THAP8: variants seen among roughly 807,000 people sequenced by gnomAD.
The protein encoded by THAP8 is THAP domain-containing protein 8.
Under a neutral mutation model 25.0 loss-of-function variants are expected in THAP8, and 24 were observed. That is an observed-to-expected ratio of 0.96 (90% CI 0.69 to 1.35). THAP8 has a LOEUF of 1.35. Ranked by LOEUF, THAP8 falls within the 40% of genes most tolerant of loss-of-function variation. The pLI, the probability that THAP8 is intolerant of heterozygous loss-of-function variation, is 0.00. For missense variants in THAP8, 399 were observed against 368.8 expected, an observed-to-expected ratio of 1.08 and a Z score of -0.67; for synonymous variants, 169 against 157.6, an observed-to-expected ratio of 1.07 and a Z score of -0.54.
At chr19:36,051,227 C>T (rs886948514) in intron 1 of THAP8, among the ~76,000 whole-genome samples, 9 of 152,166 alleles carry the variant, frequency 5.9e-5, no homozygotes, top group African/African-American at 2.2e-4. Context: ...AGGGCAGCAA[C>T]ATGCCTGCCA....
rs1599710317 is a variant in THAP8 at position 36,035,386 on chromosome 19, T to C, written c.*54A>G. 6.3e-6 allele frequency: 10 copies of C among 1,580,594 alleles called. No individual in the cohort carries two copies. In the East Asian group the frequency reaches 6.8e-5, roughly 11 times the overall value. On this transcript the variant is annotated 3_prime_UTR_variant, in exon 4 of 4. Transcript: ENST00000292894. ...GGCTGGGCCAAGCCCACGTATAATG[T>C]CTTTCCTCCTCCATCTTCTATCTTT...
chr19:36,035,649 C>G (rs1008683924), intron 3 of THAP8, 57 bp from the exon 4 acceptor site: 3 of 1,582,698 alleles, frequency 1.9e-6, no homozygotes, highest in African/African-American at 1.3e-5. Context: ...GCGGGAGAGA[C>G]AGACAGATAA....
intron 1 of THAP8, among the ~76,000 whole-genome samples, chr19:36,049,135 G>A (rs1969979473): frequency 6.6e-6 from 1 of 152,132 alleles, no homozygotes. Flanking sequence ...CTACTCAGGA[G>A]GCTGAGATGG....
chr19:36,051,119 C>CGT (rs1212847953), intron 1 of THAP8, among the ~76,000 whole-genome samples: 1 of 152,096 alleles, frequency 6.6e-6, no homozygotes, highest in African/African-American at 2.4e-5. Flanking sequence ...CAGAGAGAAT[C>CGT]GTGTGTGTGT....
chr19:36,054,372 G>T, upstream of THAP8: 2 of 859,418 alleles, frequency 2.3e-6, no homozygotes, highest in Non-Finnish European at 3.6e-6. Flanking sequence ...GAGAGCGCCT[G>T]CCTACTAGGC....
chr19:36,039,990 C>A lies in THAP8; in HGVS notation c.230G>T (p.Arg77Leu), dbSNP rs376379518. ...GAAGATGGAGGGCACTGCATCAGGC[C>A]GCAGGTAGCGCACACCCCAGCGCCA... Reference protein sequence around the residue: ...FQWRWGVRYLRPDAVPSIFSR... With the variant: ...FQWRWGVRYLLPDAVPSIFSR... Residue 77 changes from arginine (R) to leucine (L), a missense_variant, in exon 2 of 4, where the codon CGG becomes CTG. By Grantham distance (102) the Arg-to-Leu change is moderately radical. Transcript: ENST00000292894. The A allele has an allele frequency of 6.2e-7, 1 of 1,613,424 alleles. No individual in the cohort carries two copies. Among genetic ancestry groups the A allele is most frequent in the Non-Finnish European group, 8.5e-7 (1 of 1,179,954 alleles).
intron 1 of THAP8, among the ~76,000 whole-genome samples, chr19:36,043,717 G>A (rs911017902): frequency 2.0e-5 from 3 of 151,936 alleles, no homozygotes; most frequent in Admixed American, 6.6e-5. Flanking sequence ...GTGAAACCCC[G>A]TCTCTACGAA....
Position 36,046,429 on chromosome 19 carries a change from A to G in THAP8, c.84-6293T>C, listed in dbSNP as rs547290150. Among the ~76,000 whole-genome samples, 83 of 152,318 alleles carry G rather than the reference A, an allele frequency of 5.4e-4. 1 individual carries two copies. Among genetic ancestry groups the G allele is most frequent in the Admixed American group, 4.3e-3 (66 of 15,292 alleles). ...GGACACACAAGAAACTAAAGAGGCT[A>G]CCAGTGGGGAGGAGGTGGATGGGAT... On this transcript the variant is annotated intron_variant, in intron 1 of 3. Transcript: ENST00000292894.
chr19:36,048,288 C>T (rs1398001490), intron 1 of THAP8, among the ~76,000 whole-genome samples: 8 of 152,096 alleles, frequency 5.3e-5, no homozygotes, highest in Admixed American at 5.2e-4. Flanking sequence ...GCCTGTAATC[C>T]CAGCACTTTG....
chr19:36,037,554 G>A (rs1171941434), intron 3 of THAP8, among the ~76,000 whole-genome samples: 1 of 152,154 alleles, frequency 6.6e-6, no homozygotes, highest in Non-Finnish European at 1.5e-5. Context: ...CTGCCTGACT[G>A]TGGGCACACT....
At position 36,039,481 on chromosome 19, in the gene THAP8, C is replaced by T. The variant is rs776227508; in HGVS notation, c.514G>A (p.Gly172Arg). 15 of 1,593,142 alleles carry T rather than the reference C, an allele frequency of 9.4e-6. No homozygotes were observed. The highest frequency in any genetic ancestry group is 5.6e-5 in the South Asian group (5 of 89,064). ...PEVPAQQAQT[G>R]LGPVLGALQR... is the part of the protein sequence containing the mutation. ...AGTGCTCCCAGCACTGGGCCCAGCC[C>T]GGTCTGGGCCTGTTGGGCAGGGACT... Residue 172 changes from glycine to arginine, a missense_variant, in exon 3 of 4, where the codon GGG becomes AGG. Coordinates refer to ENST00000292894, the MANE Select transcript of THAP8 (RefSeq NM_152658.3).
At chr19:36,040,538 G>A (rs989019962) in intron 1 of THAP8, among the ~76,000 whole-genome samples, 1 of 152,270 alleles carries the variant, frequency 6.6e-6, no homozygotes, top group African/African-American at 2.4e-5. Context: ...TGTTGGCCAG[G>A]CTGGTCTTGA....
chr19:36,038,980 G>A (rs554638202), intron 3 of THAP8, among the ~76,000 whole-genome samples: 111 of 152,344 alleles, frequency 7.3e-4, no homozygotes, highest in African/African-American at 2.5e-3. Context: ...TTTAGTATTA[G>A]TAAATGGAGC....
chr19:36,048,451 C>T (rs749281091), intron 1 of THAP8, among the ~76,000 whole-genome samples: 11 of 151,816 alleles, frequency 7.2e-5, no homozygotes, highest in Non-Finnish European at 1.3e-4. Context: ...CTGCAACCTC[C>T]GCCTCCCAGG....
chr19:36,040,202 C>A, intron 1 of THAP8, 66 bp from the exon 2 acceptor site: 2 of 1,478,214 alleles, frequency 1.4e-6, no homozygotes, highest in East Asian at 2.4e-5. Flanking sequence ...CCAGAGGATA[C>A]CCACCCTGGA....
chr19:36,037,975 C>T (rs949360923), intron 3 of THAP8, among the ~76,000 whole-genome samples: 5 of 151,828 alleles, frequency 3.3e-5, no homozygotes, highest in Non-Finnish European at 7.4e-5. Context: ...GATGGCGTCT[C>T]GCTCTGTTGC....
At position 36,039,595 on chromosome 19, in the gene THAP8, C is replaced by A. The variant is rs1340147094; in HGVS notation, c.400G>T (p.Gly134Cys). ...VSGPVRLVVL[G>C]PTSGSPKTVA... ...GTCTTGGGGCTCCCCGATGTGGGGC[C>A]CAGCACCACTAGGCGCACTGGGCCA... The change falls in exon 3 of 4, where the codon GGC becomes TGC. Residue 134 changes from glycine (G) to cysteine (C), a missense_variant. Physicochemically the swap from Gly to Cys is radical, Grantham distance 159 (BLOSUM62 -3). Transcript: ENST00000292894. 2 of 1,513,504 alleles carry A rather than the reference C, an allele frequency of 1.3e-6. No homozygotes were observed. Among genetic ancestry groups the A allele is most frequent in the African/African-American group, 2.8e-5 (2 of 72,160 alleles). The allele number at this position is 1,513,504 out of a possible 1,614,324, so 93.8% of individuals were successfully genotyped here.
chr19:36,053,802 A>G (rs1970171700), intron 1 of THAP8, among the ~76,000 whole-genome samples: 1 of 152,150 alleles, frequency 6.6e-6, no homozygotes. Context: ...TCAGTTTCGG[A>G]TGCTCTGAGT....
In THAP8 at chr19:36,054,138, T is replaced by G. The variant is rs61742580; in HGVS notation, c.80A>C (p.Tyr27Ser). 4 of 1,613,446 alleles carry G rather than the reference T, an allele frequency of 2.5e-6. No individual in the cohort carries two copies. The East Asian group carries it at 8.9e-5, about 36-fold the overall frequency. The change falls in exon 1 of 4, where the codon TAC becomes TCC. Residue 27 changes from tyrosine to serine, a missense_variant. Tyr to Ser is a moderately radical substitution (Grantham distance 144). Transcript: ENST00000292894. Reference protein sequence around the residue: ...LGADNRPVSFYKFPLKDGPRL... With the variant: ...LGADNRPVSFSKFPLKDGPRL... ...CCCCGCCCCGCGCTGCGCTCACTTG[T>G]AGAAGCTCACAGGGCGGTTGTCTGC...
Sources: allele counts gnomAD v4.1 joint callset (sites outside exome capture counted in the v4.1 genomes callset), GRCh38; gene constraint gnomAD v4.1.1; transcripts MANE v1.5; gene names NCBI Gene and HGNC (gene_info 2026-07-23, HGNC 2026-07-21).